SCARB2: variants seen among roughly 807,000 people sequenced by gnomAD.
The protein encoded by SCARB2 is scavenger receptor class B member 2.
A neutral mutation model predicts 58.6 loss-of-function variants in SCARB2; 29 were observed. The ratio of observed to expected loss-of-function variants is 0.49; its 90% CI spans 0.37 to 0.67. The LOEUF (loss-of-function observed/expected upper bound fraction) is 0.67. Ranked by LOEUF, SCARB2 falls within the 30% of genes least tolerant of loss-of-function variation. The probability of loss-of-function intolerance (pLI) is 0.00; values close to 1 mark genes in which losing one functional copy is unlikely to be tolerated. For synonymous variants in SCARB2, 195 were observed against 210.1 expected, an observed-to-expected ratio of 0.93 and a Z score of 0.62; for missense variants, 488 against 578.5, an observed-to-expected ratio of 0.84 and a Z score of 1.60.
At chr4:76,167,283 T>C (rs138083682) in intron 9 of SCARB2, among the ~76,000 whole-genome samples, 6 of 152,292 alleles carry the variant, frequency 3.9e-5, no homozygotes, top group Non-Finnish European at 7.3e-5. Context: ...GTTTGGATAC[T>C]TGTTCCCCCA....
At chr4:76,219,532 TCA>T (rs1330929635) in intron 1 of SCARB2, among the ~76,000 whole-genome samples, 2 of 152,040 alleles carry the variant, frequency 1.3e-5, no homozygotes, top group African/African-American at 2.4e-5. Flanking sequence ...ACACGAGAGG[TCA>T]CAGTTATTCT....
intron 6 of SCARB2, chr4:76,175,542 A>G (rs1732235230): frequency 3.9e-6 from 2 of 512,064 alleles, no homozygotes; most frequent in Non-Finnish European, 7.1e-6. Context: ...AGTGAGGTAC[A>G]GAGTGGTTAA....
intron 1 of SCARB2, among the ~76,000 whole-genome samples, chr4:76,198,212 G>A (rs1732754116): frequency 6.6e-6 from 1 of 152,166 alleles, no homozygotes; most frequent in Admixed American, 6.5e-5. Flanking sequence ...CAGTGAGAAA[G>A]GACTTGAGAT....
chr4:76,225,127 T>G (rs1733372349), intron 1 of SCARB2, among the ~76,000 whole-genome samples: 1 of 152,324 alleles, frequency 6.6e-6, no homozygotes, highest in East Asian at 1.9e-4. Context: ...TTTGCTCCTT[T>G]TTATGGCTGA....
At chr4:76,170,091 A>G in intron 7 of SCARB2, 106 bp from the exon 8 acceptor site, 1 of 936,670 alleles carries the variant, frequency 1.1e-6, no homozygotes, top group Middle Eastern at 2.2e-4. Context: ...AAAAACAAAA[A>G]AGCTACATAT....
chr4:76,224,801 C>A (rs7667229), intron 1 of SCARB2, among the ~76,000 whole-genome samples: 56,064 of 151,684 alleles, frequency 0.37, 11,992 homozygotes, highest in Non-Finnish European at 0.49. Flanking sequence ...TGTTTGGTTG[C>A]ATGGAAAAGT....
rs1732243247 is a variant in SCARB2 at position 76,175,927 on chromosome 4, C to T, written c.705-17G>A. The T allele has an allele frequency of 1.2e-6, 2 of 1,612,968 alleles. No individual in the cohort carries two copies. The highest frequency in any genetic ancestry group is 1.3e-5 in the African/African-American group (1 of 74,998). On this transcript the variant is annotated splice_polypyrimidine_tract_variant and intron_variant, in intron 5 of 11. Transcript: ENST00000264896. ...TCAAGTGACCTATAATTGATAAGCA[C>T]AAGAAAGAGTAAAGATGATCACATT... is the stretch of plus-strand genomic sequence containing the variant.
chr4:76,162,075 G>A (rs554404183), intron 11 of SCARB2: 7 of 406,420 alleles, frequency 1.7e-5, no homozygotes, highest in South Asian at 1.4e-4. Flanking sequence ...GTGTCTCAGA[G>A]GTATTAGTTC....
intron 11 of SCARB2, 109 bp from the exon 12 acceptor site, chr4:76,161,860 G>A: frequency 2.0e-6 from 2 of 1,012,530 alleles, no homozygotes; most frequent in African/African-American, 1.6e-5. Context: ...GAGACCTATA[G>A]GAAGGTGGCT....
chr4:76,165,169 A>G (rs933460666), intron 10 of SCARB2: 1 of 152,230 alleles, frequency 6.6e-6, no homozygotes, highest in African/African-American at 2.4e-5. Context: ...GCCCCTGCCC[A>G]CAAACAGGAA....
Position 76,165,957 on chromosome 4 carries a change from G to T in SCARB2, c.1239+293C>A, listed in dbSNP as rs549172301. 9.7e-6 allele frequency: 5 copies of T among 515,288 alleles called. No individual in the cohort carries two copies. In the South Asian group the frequency reaches 1.1e-4, roughly 11 times the overall value. The allele number at this position is 515,288 out of a possible 1,614,324, so 31.9% of individuals were successfully genotyped here. A position where few individuals can be genotyped will look rare whatever the true frequency, so the allele number is the denominator to read the frequency against. ...CTATTTCCCTGCTTCAACAATGTCT[G>T]CCAATGGCTCCTTTTACCTGTTTCT... is the stretch of plus-strand genomic sequence containing the variant. On this transcript the variant is annotated intron_variant, in intron 10 of 11. Coordinates refer to ENST00000264896, the MANE Select transcript of SCARB2 (RefSeq NM_005506.4).
intron 1 of SCARB2, among the ~76,000 whole-genome samples, chr4:76,228,148 G>C (rs567528992): frequency 6.6e-6 from 1 of 151,920 alleles, no homozygotes; most frequent in East Asian, 1.9e-4. Flanking sequence ...CTCTAAGGAG[G>C]TTCTATTTTT....
intron 1 of SCARB2, among the ~76,000 whole-genome samples, chr4:76,207,672 T>C (rs1369004515): frequency 2.0e-5 from 3 of 152,250 alleles, no homozygotes; most frequent in African/African-American, 7.2e-5. Context: ...CTTGATGATA[T>C]GGCCAGGAAT....
At chr4:76,212,112 T>G (rs1190182552) in intron 1 of SCARB2, among the ~76,000 whole-genome samples, 2 of 152,078 alleles carry the variant, frequency 1.3e-5, no homozygotes, top group Admixed American at 1.3e-4. Context: ...ACTCACATAT[T>G]TACTATAATT....
In SCARB2 at chr4:76,163,291, C is replaced by G. The variant is rs768343387; in HGVS notation, c.1332G>C (p.Ala444=). ...IITNIPYIIM[A]LGVFFGLVFT... Reference sequence around the variant, plus strand: ...AAACCAAACCAAAGAACACACCCAGCGCCATGATGATGTAGGGTATGTTGG... The same window carrying G: ...AAACCAAACCAAAGAACACACCCAGGGCCATGATGATGTAGGGTATGTTGG... Residue 444 remains alanine, a synonymous_variant, in exon 11 of 12, where the codon GCG becomes GCC. Coordinates refer to ENST00000264896, the MANE Select transcript of SCARB2 (RefSeq NM_005506.4). 1 of 1,614,130 alleles carries G rather than the reference C, an allele frequency of 6.2e-7. No homozygotes were observed. The highest frequency in any genetic ancestry group is 8.5e-7 in the Non-Finnish European group (1 of 1,180,024).
chr4:76,165,940 C>T, intron 10 of SCARB2: 1 of 481,712 alleles, frequency 2.1e-6, no homozygotes, highest in Non-Finnish European at 3.8e-6. Context: ...AGCTATTTCC[C>T]TGCTTCAACA....
upstream of SCARB2, among the ~76,000 whole-genome samples, chr4:76,217,327 G>C (rs1357120384): frequency 6.6e-6 from 1 of 152,200 alleles, no homozygotes; most frequent in African/African-American, 2.4e-5. Context: ...TGACTTCTCT[G>C]CTATGGTTTG....
In SCARB2 at chr4:76,224,037, A is replaced by G. The variant is rs546349096; in HGVS notation, c.-358+10266T>C. On this transcript the variant is annotated intron_variant, in intron 1 of 11. Transcript: ENST00000638295. ...CAAACCAGGAGACCTCCCCACAAAC[A>G]CAGAAGGGAAAGACAATTTATTATT... is the stretch of plus-strand genomic sequence containing the variant. 9.2e-5 allele frequency among the ~76,000 whole-genome samples: 14 copies of G among 152,350 alleles called. No individual in the cohort carries two copies. In the South Asian group the frequency reaches 2.9e-3, roughly 32 times the overall value.
intron 1 of SCARB2, among the ~76,000 whole-genome samples, chr4:76,204,716 GAAAT>G (rs1288577551): frequency 1.3e-5 from 2 of 152,092 alleles, no homozygotes; most frequent in African/African-American, 4.8e-5. Flanking sequence ...GAATAAATAA[GAAAT>G]AAGGCCACGG....
Sources: allele counts gnomAD v4.1 joint callset (sites outside exome capture counted in the v4.1 genomes callset), GRCh38; gene constraint gnomAD v4.1.1; transcripts MANE v1.5; gene names NCBI Gene and HGNC (gene_info 2026-07-23, HGNC 2026-07-21).